Variants in SNRPN observed in about 807,000 individuals in gnomAD.
The protein encoded by SNRPN is small nuclear ribonucleoprotein-associated protein N.
SNRPN carries 7 observed loss-of-function variants against 25.2 expected under a neutral mutation model. That is an observed-to-expected ratio of 0.28 (90% CI 0.16 to 0.52). SNRPN has a LOEUF of 0.52. SNRPN is among the 20% of genes least tolerant of loss of function. The pLI is 0.96. For missense variants in SNRPN, 196 were observed against 322.5 expected (o/e 0.61, Z 3.00); for synonymous variants, 124 against 110.6 (o/e 1.12, Z -0.76).
chr15:24,826,989 A>C (rs1237443941), intron 1 of SNRPN, among the ~76,000 whole-genome samples: 1 of 152,090 alleles, frequency 6.6e-6, no homozygotes, highest in Non-Finnish European at 1.5e-5. Flanking sequence ...GTAAGCAATG[A>C]TAACACGATG....
rs768268508 is a variant in SNRPN at position 24,918,964 on chromosome 15, CGCAT to C, written c.-504-1046_-504-1043del. On this transcript the variant is annotated intron_variant, in intron 2 of 11. Coordinates refer to the SNRPN transcript ENST00000400097. ...ATATATATAACATAATATATATGCG[CGCAT>C]ATATATATAACATAATATATATGTG... 8.3e-4 allele frequency among the ~76,000 whole-genome samples: 38 copies of C among 45,920 alleles called. 3 individuals are homozygous for C. Among genetic ancestry groups the C allele is most frequent in the Admixed American group, 1.9e-3 (7 of 3,744 alleles). The allele number at this position is 45,920 out of a possible 152,430, so 30.1% of individuals were successfully genotyped here.
intron 3 of SNRPN, among the ~76,000 whole-genome samples, chr15:24,925,196 A>G (rs1217800624): frequency 6.6e-6 from 1 of 152,200 alleles, no homozygotes; most frequent in Non-Finnish European, 1.5e-5. Context: ...ATGCCTCCAA[A>G]TCCATAGTAT....
At chr15:24,926,787 T>C (rs1256163580) in intron 3 of SNRPN, among the ~76,000 whole-genome samples, 1 of 152,040 alleles carries the variant, frequency 6.6e-6, no homozygotes, top group Non-Finnish European at 1.5e-5. Context: ...GGTGGATTGC[T>C]TGAGGCCAGG....
upstream of SNRPN, among the ~76,000 whole-genome samples, chr15:24,854,234 T>C (rs1446469540): frequency 6.6e-6 from 1 of 151,958 alleles, no homozygotes; most frequent in African/African-American, 2.4e-5. Flanking sequence ...GCCCCACCTT[T>C]TAATACTGCT....
intron 2 of SNRPN, among the ~76,000 whole-genome samples, chr15:24,891,640 G>C (rs2057687434): frequency 6.6e-6 from 1 of 152,108 alleles, no homozygotes; most frequent in South Asian, 2.1e-4. Context: ...GTTTCACCAT[G>C]TTGATCAGGC....
At chr15:24,864,930 A>G (rs1396724563) in intron 1 of SNRPN, among the ~76,000 whole-genome samples, 4 of 152,086 alleles carry the variant, frequency 2.6e-5, no homozygotes, top group Non-Finnish European at 4.4e-5. Flanking sequence ...CATGAGATCT[A>G]TAAATTTGGA....
intron 3 of SNRPN, among the ~76,000 whole-genome samples, chr15:24,973,136 A>G (rs1596322471): frequency 6.6e-6 from 1 of 151,460 alleles, no homozygotes; most frequent in African/African-American, 2.4e-5. Flanking sequence ...TGATCCGCCC[A>G]CCTCGGTTTC....
At chr15:24,973,497 A>G in intron 3 of SNRPN, among the ~76,000 whole-genome samples, 1 of 152,152 alleles carries the variant, frequency 6.6e-6, no homozygotes. Context: ...TCCCAGGTTC[A>G]AGCGATTCTC....
chr15:24,918,793 CATAT>C (rs71922464), intron 2 of SNRPN, among the ~76,000 whole-genome samples: 1 of 11,342 alleles, frequency 8.8e-5, no homozygotes, highest in African/African-American at 4.6e-4. Context: ...TATATGTGTG[CATAT>C]ATATATATAA....
chr15:24,949,117 G>A (rs1229223440), intron 3 of SNRPN, among the ~76,000 whole-genome samples: 1 of 144,222 alleles, frequency 6.9e-6, no homozygotes, highest in African/African-American at 2.6e-5. Context: ...CGTCTCCTGG[G>A]TTCAAGTGAT....
chr15:24,900,161 G>A (rs2058360664), intron 2 of SNRPN, among the ~76,000 whole-genome samples: 1 of 152,158 alleles, frequency 6.6e-6, no homozygotes, highest in African/African-American at 2.4e-5. Context: ...AAGGACTGTG[G>A]GGTGGAATGG....
chr15:24,866,209 A>C (rs1312233681), intron 1 of SNRPN, among the ~76,000 whole-genome samples: 1 of 138,972 alleles, frequency 7.2e-6, no homozygotes, highest in African/African-American at 2.8e-5. Flanking sequence ...ATTTTGTTCC[A>C]TCTATTTACT....
At chr15:24,918,797 TATATATATAACAATATATATATGTGCGC>T (rs2059787604) in intron 2 of SNRPN, among the ~76,000 whole-genome samples, 1 of 73,228 alleles carries the variant, frequency 1.4e-5, no homozygotes, top group Non-Finnish European at 2.6e-5. Flanking sequence ...TGTGTGCATA[TATATATATAACAATATATATATGTGCGC>T]ATATATATAA....
chr15:24,847,510 G>T (rs1426551455), intron 2 of SNRPN, among the ~76,000 whole-genome samples: 1 of 151,938 alleles, frequency 6.6e-6, no homozygotes, highest in African/African-American at 2.4e-5. Flanking sequence ...CATGGTGGCG[G>T]GTGCCTGTAA....
chr15:24,824,193 A>T (rs1284031037), intron 1 of SNRPN, among the ~76,000 whole-genome samples: 1 of 152,082 alleles, frequency 6.6e-6, no homozygotes, highest in Non-Finnish European at 1.5e-5. Flanking sequence ...TTTACTTACA[A>T]TCGCAGGCTT....
At chr15:24,848,234 G>GGGCGGGGGCGGC (rs1363985960) in intron 2 of SNRPN, 27 of 125,518 alleles carry the variant, frequency 2.2e-4, no homozygotes, top group African/African-American at 7.1e-4. Context: ...GCGGCGGTGG[G>GGGCGGGGGCGGC]GGCGGGGGCG....
chr15:24,862,378 G>T (rs2054065130), intron 1 of SNRPN, among the ~76,000 whole-genome samples: 1 of 150,720 alleles, frequency 6.6e-6, no homozygotes, highest in Non-Finnish European at 1.5e-5. Context: ...TGGCAAAAAG[G>T]CTGGGCAGAA....
chr15:24,883,068 C>T (rs934372904), intron 1 of SNRPN, among the ~76,000 whole-genome samples: 1 of 152,118 alleles, frequency 6.6e-6, no homozygotes, highest in Admixed American at 6.6e-5. Flanking sequence ...AGTTCAGTTT[C>T]TACTGAATGC....
intron 2 of SNRPN, among the ~76,000 whole-genome samples, chr15:24,834,751 C>CTCTCTCTCTCTCTCTCTCTCTCTCTATA: frequency 1.6e-5 from 1 of 60,954 alleles, no homozygotes. Flanking sequence ...CTCTCTCTCT[C>CTCTCTCTCTCTCTCTCTCTCTCTCTATA]TATATATATA....
Sources: allele counts gnomAD v4.1 joint callset (sites outside exome capture counted in the v4.1 genomes callset), GRCh38; gene constraint gnomAD v4.1.1; transcripts MANE v1.5; gene names NCBI Gene and HGNC (gene_info 2026-07-23, HGNC 2026-07-21).